Variants in ZNF318 observed in about 807,000 individuals in gnomAD.
ZNF318 encodes zinc finger protein 318.
ZNF318 carries 51 observed loss-of-function variants against 124.2 expected under a neutral mutation model. The observed-to-expected ratio is 0.41, with a 90% CI of 0.33 to 0.52. The LOEUF is 0.52. Among genes scored for constraint, ZNF318 ranks in the 20% least tolerant of loss-of-function variants. ZNF318 has a pLI of 0.23. For synonymous variants in ZNF318, 1,090 were observed against 1,040.7 expected (o/e 1.05, Z -0.91); for missense variants, 2,815 against 2,811.2 (o/e 1.00, Z -0.03).
chr6:43,357,137 G>A lies in ZNF318; in HGVS notation c.1177C>T (p.Pro393Ser). The A allele has an allele frequency of 6.2e-7, 1 of 1,611,702 alleles. No homozygotes were observed. Among genetic ancestry groups the A allele is most frequent in the South Asian group, 1.1e-5 (1 of 90,730 alleles). ...KKRIEVDIME[P>S]SMQLESFSSS... ...AATGCAGCAGAGACCTGCATGGAGG[G>A]CTCCATTATGTCCACCTCAATCCGC... is the stretch of plus-strand genomic sequence containing the variant. Residue 393 changes from proline (P) to serine (S), a missense_variant, in exon 3 of 10, where the codon CCC (proline) becomes TCC (serine). Physicochemically the swap from Pro to Ser is moderately conservative, Grantham distance 74. Coordinates refer to ENST00000361428, the MANE Select transcript of ZNF318 (RefSeq NM_014345.3).
chr6:43,342,234 C>T (rs1489094086), intron 7 of ZNF318, 23 bp from the exon 8 acceptor site: 1 of 1,565,526 alleles, frequency 6.4e-7, no homozygotes, highest in African/African-American at 1.4e-5. Flanking sequence ...GGCAGAGGTG[C>T]TCACACAACA....
At chr6:43,348,243 C>G in intron 6 of ZNF318, 81 bp downstream of exon 6, 1 of 1,376,206 alleles carries the variant, frequency 7.3e-7, no homozygotes, top group Non-Finnish European at 9.9e-7. Flanking sequence ...GTTTGAAAAC[C>G]TAAGTTAAGA....
chr6:43,337,330 A>G lies in ZNF318; in HGVS notation c.6668T>C (p.Leu2223Pro), dbSNP rs151125945. The change falls in exon 10 of 10, where the codon CTG (leucine) becomes CCG (proline). Residue 2223 changes from leucine to proline, a missense_variant. Physicochemically the swap from Leu to Pro is moderately conservative, Grantham distance 98 (BLOSUM62 -3). Around this residue, in one of 4 missense-constraint regions of ZNF318, gnomAD observed 927 missense variants for 820.6 expected, o/e 1.13. Coordinates refer to ENST00000361428, the MANE Select transcript of ZNF318 (RefSeq NM_014345.3). ...GTCGCCACTGTCATCATCTACTTGC[A>G]GAATTGCCACCTCTGTGGTGGATGC... ...SNASTTEVAI[L>P]QVDDDSGDPL... is the part of the protein sequence containing the mutation. 1.0e-3 allele frequency: 1,609 copies of G among 1,614,046 alleles called. No homozygotes were observed. The highest frequency in any genetic ancestry group is 1.3e-3 in the Non-Finnish European group (1,516 of 1,180,032).
At chr6:43,352,600 C>CA in intron 4 of ZNF318, 124 bp from the exon 5 acceptor site, 18 of 791,570 alleles carry the variant, frequency 2.3e-5, no homozygotes, top group Non-Finnish European at 3.5e-5. Flanking sequence ...TGCACACAGG[C>CA]TCTGACCTTA....
rs1442499122 is a variant in ZNF318 at position 43,339,240 on chromosome 6, G to T, written c.4758C>A (p.Ala1586=). 6.2e-7 allele frequency: 1 copy of T among 1,610,420 alleles called. No homozygotes were observed. The highest frequency in any genetic ancestry group is 1.3e-5 in the African/African-American group (1 of 74,800). The stretch of plus-strand genomic sequence containing the variant: ...GACCACCACTTAGCTTAGTCTCAGG[G>T]GCCCCCTTAGTCTCAGGGGCCCCCT... ...GGKGAPETKG[A]PETKLSGGPL... is the part of the protein sequence containing the mutation. The change falls in exon 10 of 10, where the codon GCC becomes GCA. Residue 1586 remains alanine, a synonymous_variant. Transcript: ENST00000361428. The surrounding 1 kb of genome is among the most constrained non-coding windows in gnomAD (Gnocchi z 4.2).
In ZNF318 at chr6:43,339,095, C is replaced by G; in HGVS notation, c.4903G>C (p.Ala1635Pro). ...TCAGAGTTGCTAACTATAGGAGCAG[C>G]GACCAAACCCTCATCTTGATGCAAC... ...EELHQDEGLVAAPIVSNSEKP... is the reference protein window; with the variant it reads ...EELHQDEGLVPAPIVSNSEKP... Residue 1635 changes from alanine to proline, a missense_variant, in exon 10 of 10, where the codon GCT becomes CCT. Ala to Pro is a conservative substitution (Grantham distance 27, BLOSUM62 -1). This residue lies in a region of ZNF318 where 927 missense variants were observed against 820.6 expected (regional missense o/e 1.13). Transcript: ENST00000361428. This position sits in a 1 kb window ranked among gnomAD's most constrained non-coding sequence, Gnocchi z 4.2. 2 of 1,614,134 alleles carry G rather than the reference C, an allele frequency of 1.2e-6. No individual in the cohort carries two copies. The highest frequency in any genetic ancestry group is 1.7e-6 in the Non-Finnish European group (2 of 1,180,028).
rs771293979 is a variant in ZNF318 at position 43,337,118 on chromosome 6, A to G, written c.*40T>C. On this transcript the variant is annotated 3_prime_UTR_variant, in exon 10 of 10. Coordinates refer to ENST00000361428, the MANE Select transcript of ZNF318 (RefSeq NM_014345.3). ...ATCATCTGGGCATCTGATTTCTAGAAGCCAATGATTCACTCACAAGTAGCT... is the reference window on the plus strand; with the variant it reads ...ATCATCTGGGCATCTGATTTCTAGAGGCCAATGATTCACTCACAAGTAGCT... The G allele has an allele frequency of 1.3e-6, 2 of 1,498,458 alleles. No homozygotes were observed. Among genetic ancestry groups the G allele is most frequent in the South Asian group, 1.4e-5 (1 of 71,264 alleles). 92.8% of individuals were successfully genotyped at this position (1,498,458 alleles called of 1,614,324 possible). A position where few individuals can be genotyped will look rare whatever the true frequency, so the allele number is the denominator to read the frequency against.
intron 4 of ZNF318, 97 bp from the exon 5 acceptor site, chr6:43,352,573 G>GT (rs1779544429): frequency 8.9e-7 from 1 of 1,119,214 alleles, no homozygotes; most frequent in African/African-American, 1.5e-5. Flanking sequence ...TTATCTGAAT[G>GT]TAAGGATCCA....
At position 43,338,390 on chromosome 6, in the gene ZNF318, A is replaced by C; in HGVS notation, c.5608T>G (p.Phe1870Val). 6.2e-7 allele frequency: 1 copy of C among 1,614,236 alleles called. No individual in the cohort carries two copies. The highest frequency in any genetic ancestry group is 1.1e-5 in the South Asian group (1 of 91,088). Residue 1870 changes from phenylalanine to valine, a missense_variant, in exon 10 of 10, where the codon TTT (phenylalanine) becomes GTT (valine). By Grantham distance (50) the Phe-to-Val change is conservative. Transcript: ENST00000361428. ...AGTAAAGACCTAGCTTCTGATAAAA[A>C]TGAGTCTAATTTTGCCTTTGTGAAA... ...CSFTKAKLDSFLSEARSLLNP... is the reference protein window; with the variant it reads ...CSFTKAKLDSVLSEARSLLNP...
intron 1 of ZNF318, 87 bp downstream of exon 1, chr6:43,368,878 GTC>G (rs974827683): frequency 2.4e-6 from 3 of 1,256,190 alleles, no homozygotes; most frequent in African/African-American, 3.1e-5. Context: ...TAGGACCCTG[GTC>G]TGGAGGCCCC....
intron 4 of ZNF318, 48 bp downstream of exon 4, chr6:43,354,616 T>C: frequency 2.0e-6 from 3 of 1,520,250 alleles, no homozygotes; most frequent in Non-Finnish European, 2.6e-6. Context: ...TACAAATTTA[T>C]GGCAAAACAG....
In ZNF318 at chr6:43,340,311, G is replaced by T. The variant is rs1325407591; in HGVS notation, c.3687C>A (p.Val1229=). ...AVKEVKEDDK[V]SEKLEDQLSE... is the part of the protein sequence containing the mutation. Reference sequence around the variant, plus strand: ...AGAGTTGGTCTTCTAATTTCTCAGAGACCTTGTCATCCTCCTTTACTTCTT... The same window carrying T: ...AGAGTTGGTCTTCTAATTTCTCAGATACCTTGTCATCCTCCTTTACTTCTT... Residue 1229 remains valine, a synonymous_variant, in exon 10 of 10, where the codon GTC becomes GTA. Transcript: ENST00000361428. 4 of 1,613,986 alleles carry T rather than the reference G, an allele frequency of 2.5e-6. No homozygotes were observed. In the South Asian group the frequency reaches 4.4e-5, roughly 18 times the overall value.
chr6:43,353,271 G>T (rs1324741989), intron 4 of ZNF318, among the ~76,000 whole-genome samples: 1 of 151,970 alleles, frequency 6.6e-6, no homozygotes, highest in Non-Finnish European at 1.5e-5. Flanking sequence ...GGGTATTTAA[G>T]TCCAATAGAA....
intron 2 of ZNF318, among the ~76,000 whole-genome samples, chr6:43,361,142 C>T (rs1779676744): frequency 6.6e-6 from 1 of 152,136 alleles, no homozygotes; most frequent in African/African-American, 2.4e-5. Flanking sequence ...CCTTCAGAGC[C>T]TAAACTCTCC....
intron 6 of ZNF318, among the ~76,000 whole-genome samples, chr6:43,344,606 T>C (rs1365122418): frequency 6.6e-6 from 1 of 152,054 alleles, no homozygotes; most frequent in African/African-American, 2.4e-5. Flanking sequence ...AACCACTCTA[T>C]ACTCCTTATC....
Position 43,337,840 on chromosome 6 carries a change from C to T in ZNF318, c.6158G>A (p.Gly2053Glu), listed in dbSNP as rs778887279. The change falls in exon 10 of 10, where the codon GGG becomes GAG. Residue 2053 changes from glycine to glutamate, a missense_variant. Physicochemically the swap from Gly to Glu is moderately conservative, Grantham distance 98 (BLOSUM62 -2). Coordinates refer to ENST00000361428, the MANE Select transcript of ZNF318 (RefSeq NM_014345.3). Reference sequence around the variant, plus strand: ...GTCAGCGGGATCGGAGGAATTACACCCTATAGGTGATACAGAATTTTCTTC... The same window carrying T: ...GTCAGCGGGATCGGAGGAATTACACTCTATAGGTGATACAGAATTTTCTTC... ...VCEENSVSPI[G>E]CNSSDPADFE... 1.3e-4 allele frequency: 202 copies of T among 1,613,992 alleles called. No individual in the cohort carries two copies. Among genetic ancestry groups the T allele is most frequent in the Non-Finnish European group, 1.7e-4 (198 of 1,180,032 alleles).
Position 43,369,168 on chromosome 6 carries a change from G to C in ZNF318, c.198C>G (p.Arg66=). The C allele has an allele frequency of 8.3e-7, 1 of 1,209,986 alleles. No individual in the cohort carries two copies. The highest frequency in any genetic ancestry group is 1.0e-6 in the Non-Finnish European group (1 of 974,356). The allele number at this position is 1,209,986 out of a possible 1,614,324, so 75.0% of individuals were successfully genotyped here. Residue 66 remains arginine (R), a synonymous_variant, in exon 1 of 10, where the codon CGC becomes CGG. Coordinates refer to ENST00000361428, the MANE Select transcript of ZNF318 (RefSeq NM_014345.3). ...RPRSPSGHRG[R]RASPSPPRGR... ...CCCGTGGCGGGGACGGCGAGGCCCG[G>C]CGGCCGCGGTGCCCTGAGGGCGAGC...
chr6:43,369,262 G>A lies in ZNF318; in HGVS notation c.104C>T (p.Pro35Leu), dbSNP rs1316400823. The A allele has an allele frequency of 2.0e-5, 25 of 1,280,864 alleles. No homozygotes were observed. The East Asian group carries it at 4.8e-4, about 25-fold the overall frequency. The allele number at this position is 1,280,864 out of a possible 1,614,324, so 79.3% of individuals were successfully genotyped here. Residue 35 changes from proline to leucine, a missense_variant, in exon 1 of 10, where the codon CCG becomes CTG. Pro to Leu is a moderately conservative substitution (Grantham distance 98). Around this residue, in one of 4 missense-constraint regions of ZNF318, gnomAD observed 1,377 missense variants for 1,353.5 expected, o/e 1.02. Transcript: ENST00000361428. ...SGRSSGSSSGPARRSSPPPPP... is the reference protein window; with the variant it reads ...SGRSSGSSSGLARRSSPPPPP... ...AGGCGGCGGTGAGCTGCGGCGAGCC[G>A]GGCCTGAGGAGGAGCCAGAGCTGCG...
Position 43,336,582 on chromosome 6 carries a change from A to T in ZNF318, c.*576T>A, listed in dbSNP as rs1350711881. The stretch of plus-strand genomic sequence containing the variant: ...GAGTTGACATGCCAATAAGGGGTGT[A>T]AACAGTAAACAAAAGAGCTACTCAC... On this transcript the variant is annotated 3_prime_UTR_variant, in exon 10 of 10. Coordinates refer to ENST00000361428, the MANE Select transcript of ZNF318 (RefSeq NM_014345.3). 6.6e-6 allele frequency: 1 copy of T among 152,322 alleles called. No homozygotes were observed. Among genetic ancestry groups the T allele is most frequent in the African/African-American group, 2.4e-5 (1 of 41,456 alleles). 9.4% of individuals were successfully genotyped at this position (152,322 alleles called of 1,614,324 possible). A position where few individuals can be genotyped will look rare whatever the true frequency, so the allele number is the denominator to read the frequency against.
Sources: gnomAD v4.1 joint callset for allele counts (sites outside exome capture counted in the v4.1 genomes callset) on GRCh38, gnomAD v4.1.1 for gene constraint, gnomAD v4.1.1 regional missense constraint, Gnocchi (gnomAD v3.1) non-coding constraint, MANE v1.5 for transcripts, NCBI Gene and HGNC (gene_info 2026-07-23, HGNC 2026-07-21) for gene names.